PKP2: variants seen among roughly 807,000 people sequenced by gnomAD.
PKP2 encodes the protein plakophilin-2.
Under a neutral mutation model 83.4 loss-of-function variants are expected in PKP2, and 73 were observed. The ratio of observed to expected loss-of-function variants is 0.88; its 90% CI spans 0.72 to 1.06. PKP2 has a LOEUF of 1.06. PKP2 is among the 50% of genes least tolerant of loss of function. The probability of loss-of-function intolerance (pLI) is 0.00; values close to 1 mark genes in which losing one functional copy is unlikely to be tolerated. For missense variants in PKP2, 966 were observed against 1,065.4 expected (o/e 0.91, Z 1.30); for synonymous variants, 409 against 430.4 (o/e 0.95, Z 0.62).
intron 1 of PKP2, among the ~76,000 whole-genome samples, chr12:32,890,074 C>CAAAAAAAAAA (rs55957473): frequency 3.1e-5 from 2 of 63,992 alleles, no homozygotes; most frequent in Non-Finnish European, 5.3e-5. Flanking sequence ...GACTCCATCT[C>CAAAAAAAAAA]AAAAAAAAAA....
In PKP2 at chr12:32,802,257, T is replaced by C. The variant is rs968500629; in HGVS notation, c.2167+146A>G. 4 of 797,378 alleles carry C rather than the reference T, an allele frequency of 5.0e-6. No homozygotes were observed. In the African/African-American group the frequency reaches 6.7e-5, roughly 13 times the overall value. The allele number at this position is 797,378 out of a possible 1,614,324, so 49.4% of individuals were successfully genotyped here. On this transcript the variant is annotated intron_variant, in intron 10 of 12. Transcript: ENST00000340811. ...GAGAAAGCCTGTTTGTGATATCTGG[T>C]GGCACAAAAGGCAGGCCGGTTTATC...
chr12:32,885,666 C>CA (rs1006342332), intron 1 of PKP2, among the ~76,000 whole-genome samples: 5 of 151,112 alleles, frequency 3.3e-5, no homozygotes, highest in African/African-American at 4.9e-5. Flanking sequence ...TCCGTCCCCC[C>CA]CCCAAAAAAA....
At chr12:32,858,194 G>GCTA (rs1226080720) in intron 4 of PKP2, among the ~76,000 whole-genome samples, 3 of 139,784 alleles carry the variant, frequency 2.1e-5, no homozygotes, top group Admixed American at 7.7e-5. Context: ...TGTGGTCCCA[G>GCTA]CTACTTGGGA....
intron 11 of PKP2, 124 bp from the exon 12 acceptor site, chr12:32,792,855 C>T (rs964231003): frequency 4.8e-5 from 37 of 765,904 alleles, no homozygotes; most frequent in Non-Finnish European, 6.6e-5. Context: ...TCCATGAAGT[C>T]AGGCCACTCG....
chr12:32,800,423 C>A (rs954243631), intron 10 of PKP2, among the ~76,000 whole-genome samples: 4 of 152,178 alleles, frequency 2.6e-5, no homozygotes, highest in South Asian at 4.1e-4. Context: ...ACAGGTAAGA[C>A]ATACCTTTTG....
chr12:32,795,572 G>A (rs1421191312), intron 11 of PKP2, among the ~76,000 whole-genome samples: 3 of 152,102 alleles, frequency 2.0e-5, no homozygotes, highest in African/African-American at 7.2e-5. Context: ...CTAGAGACAG[G>A]GTTTTGCCAT....
intron 5 of PKP2, among the ~76,000 whole-genome samples, chr12:32,844,682 A>T (rs1173049438): frequency 6.6e-6 from 1 of 152,184 alleles, no homozygotes; most frequent in East Asian, 1.9e-4. Flanking sequence ...AGGGAATAAA[A>T]ATTAGCTTAT....
At chr12:32,815,792 A>G (rs1039213475) in intron 9 of PKP2, among the ~76,000 whole-genome samples, 17 of 152,200 alleles carry the variant, frequency 1.1e-4, no homozygotes, top group African/African-American at 3.9e-4. Flanking sequence ...ATGAGGTCTG[A>G]TTCCTTAAAT....
At chr12:32,861,735 T>C (rs570377724) in intron 4 of PKP2, among the ~76,000 whole-genome samples, 45 of 152,158 alleles carry the variant, frequency 3.0e-4, no homozygotes, top group Non-Finnish European at 4.9e-4. Flanking sequence ...CTAAAGCACA[T>C]GTGACCAAAC....
intron 4 of PKP2, among the ~76,000 whole-genome samples, chr12:32,867,001 T>C (rs1225333965): frequency 6.6e-6 from 1 of 152,194 alleles, no homozygotes; most frequent in Non-Finnish European, 1.5e-5. Flanking sequence ...TCCATTTATA[T>C]AAAATTCGAG....
At chr12:32,868,517 G>C (rs546108966) in intron 4 of PKP2, among the ~76,000 whole-genome samples, 31 of 148,754 alleles carry the variant, frequency 2.1e-4, no homozygotes, top group African/African-American at 7.7e-4. Flanking sequence ...GCACCCGGTT[G>C]ATTTTTTCTT....
intron 6 of PKP2, among the ~76,000 whole-genome samples, chr12:32,828,003 G>C (rs1208294747): frequency 6.6e-6 from 1 of 152,250 alleles, no homozygotes; most frequent in African/African-American, 2.4e-5. Context: ...GAGAAGTAGA[G>C]TGAGGAAGGA....
At chr12:32,860,695 T>A (rs1254853001) in intron 4 of PKP2, among the ~76,000 whole-genome samples, 1 of 152,140 alleles carries the variant, frequency 6.6e-6, no homozygotes, top group Non-Finnish European at 1.5e-5. Context: ...AAATGCACAC[T>A]GCACATGTAT....
chr12:32,854,211 G>A (rs1229294842), intron 4 of PKP2, among the ~76,000 whole-genome samples: 3 of 152,168 alleles, frequency 2.0e-5, no homozygotes, highest in African/African-American at 2.4e-5. Flanking sequence ...AGTGGCATAC[G>A]GAAGCCTCCC....
chr12:32,800,332 G>A (rs138819187), intron 10 of PKP2, among the ~76,000 whole-genome samples: 30 of 152,280 alleles, frequency 2.0e-4, no homozygotes, highest in South Asian at 8.3e-4. Context: ...TGTTTACAGC[G>A]TTGATCATTA....
At chr12:32,851,072 T>C (rs200291904) in intron 4 of PKP2, 99 bp from the exon 5 acceptor site, 4 of 952,444 alleles carry the variant, frequency 4.2e-6, no homozygotes, top group East Asian at 2.5e-5. Flanking sequence ...ATGCTGACTA[T>C]AACCTTTCTT....
intron 4 of PKP2, among the ~76,000 whole-genome samples, chr12:32,853,553 T>A (rs1425788651): frequency 6.7e-6 from 1 of 149,416 alleles, no homozygotes; most frequent in African/African-American, 2.5e-5. Context: ...GTCGCTCAGG[T>A]TGGAGTGCAG....
rs563366684 is a variant in PKP2 at position 32,873,436 on chromosome 12, T to C, written c.1035-4374A>G. On this transcript the variant is annotated intron_variant, in intron 3 of 12. Coordinates refer to ENST00000340811, the MANE Select transcript of PKP2 (RefSeq NM_001005242.3). ...CTTTAAATTTCTGTAGACACTAATA[T>C]GTATCACACAACCTAGCACTTGATG... Among the ~76,000 whole-genome samples, 19 of 152,230 alleles carry C rather than the reference T, an allele frequency of 1.2e-4. No individual in the cohort carries two copies. The East Asian group carries it at 1.9e-3, about 15-fold the overall frequency.
In PKP2 at chr12:32,881,411, TAAAGA is replaced by T. The variant is rs528449788; in HGVS notation, c.224-2384_224-2380del. Among the ~76,000 whole-genome samples, 561 of 152,116 alleles carry T rather than the reference TAAAGA, an allele frequency of 3.7e-3. 4 individuals carry two copies. Among genetic ancestry groups the T allele is most frequent in the African/African-American group, 0.013 (542 of 41,510 alleles). Reference sequence around the variant, plus strand: ...GAACGGCTGGAACTTGGACCTTAAATAAAGAAAAAAAATTTTTTTCTATAAATTTT... The same window carrying T: ...GAACGGCTGGAACTTGGACCTTAAATAAAAAAATTTTTTTCTATAAATTTT... On this transcript the variant is annotated intron_variant, in intron 1 of 12. Transcript: ENST00000340811.
Sources: gnomAD v4.1 joint callset for allele counts (sites outside exome capture counted in the v4.1 genomes callset) on GRCh38, gnomAD v4.1.1 for gene constraint, MANE v1.5 for transcripts, NCBI Gene and HGNC (gene_info 2026-07-23, HGNC 2026-07-21) for gene names.